YES1: variants seen among roughly 807,000 people sequenced by gnomAD.
The protein encoded by YES1 is tyrosine-protein kinase Yes.
Under a neutral mutation model 70.4 loss-of-function variants are expected in YES1, and 39 were observed. The observed-to-expected ratio is 0.55, with a 90% CI of 0.43 to 0.72. The LOEUF is 0.72. Among genes scored for constraint, YES1 ranks in the 30% least tolerant of loss-of-function variants. YES1 has a pLI of 0.00. For missense variants in YES1, 495 were observed against 644.8 expected, an observed-to-expected ratio of 0.77 and a Z score of 2.52; for synonymous variants, 198 against 218.6, an observed-to-expected ratio of 0.91 and a Z score of 0.83.
intron 2 of YES1, among the ~76,000 whole-genome samples, chr18:755,632 T>C (rs1380262174): frequency 6.6e-6 from 1 of 152,176 alleles, no homozygotes; most frequent in Non-Finnish European, 1.5e-5. Flanking sequence ...GGGATTTATC[T>C]TTTGCACCCA....
chr18:786,018 A>G (rs1032763998), intron 1 of YES1, among the ~76,000 whole-genome samples: 2 of 152,218 alleles, frequency 1.3e-5, no homozygotes, highest in Admixed American at 6.5e-5. Context: ...CAGCAAGAAG[A>G]AGGCCCTTGC....
Position 743,007 on chromosome 18 carries a change from A to C in YES1, c.971T>G (p.Met324Arg). Residue 324 changes from methionine to arginine, a missense_variant, in exon 8 of 12, where the codon ATG becomes AGG. By Grantham distance (91) the Met-to-Arg change is moderately conservative (BLOSUM62 -1). Around this residue, in one of 2 missense-constraint regions of YES1, gnomAD observed 385 missense variants for 540.9 expected, o/e 0.71. Transcript: ENST00000314574. ...AAGTTTATCATGTCTTAATTTTTTC[A>C]TTATCTGAGCTTCTTGAAGGAAAGC... Reference protein sequence around the residue: ...PEAFLQEAQIMKKLRHDKLVP... With the variant: ...PEAFLQEAQIRKKLRHDKLVP... The C allele has an allele frequency of 6.2e-7, 1 of 1,612,036 alleles. No individual in the cohort carries two copies. The highest frequency in any genetic ancestry group is 1.7e-5 in the Admixed American group (1 of 59,442).
chr18:809,158 T>A (rs1000855910), intron 1 of YES1, among the ~76,000 whole-genome samples: 1 of 152,234 alleles, frequency 6.6e-6, no homozygotes, highest in Non-Finnish European at 1.5e-5. Flanking sequence ...ATTTACAACA[T>A]ACAAGCCGAA....
chr18:805,094 A>G (rs539461100), intron 1 of YES1, among the ~76,000 whole-genome samples: 15 of 152,274 alleles, frequency 9.9e-5, no homozygotes, highest in African/African-American at 3.6e-4. Context: ...AAATTTTATC[A>G]ATACGGTCAT....
chr18:801,248 G>A (rs1337050696), intron 1 of YES1, among the ~76,000 whole-genome samples: 6 of 152,136 alleles, frequency 3.9e-5, no homozygotes, highest in African/African-American at 9.7e-5. Context: ...TGACAGGATC[G>A]CTTGAGCCCA....
chr18:724,719 C>T (rs2145654129), intron 11 of YES1, 87 bp from the exon 12 acceptor site: 1 of 1,000,302 alleles, frequency 1.0e-6, no homozygotes, highest in East Asian at 2.4e-5. Context: ...CTAACTCATT[C>T]AAAGTATATT....
chr18:742,381 G>A (rs1332589821), intron 8 of YES1, among the ~76,000 whole-genome samples: 5 of 151,512 alleles, frequency 3.3e-5, no homozygotes, highest in African/African-American at 7.3e-5. Context: ...CACTTTGGGA[G>A]GCCAAAAAGG....
At position 796,181 on chromosome 18, in the gene YES1, G is replaced by T. The variant is rs566523303; in HGVS notation, c.-9+15933C>A. Among the ~76,000 whole-genome samples the T allele has an allele frequency of 5.3e-5, 8 of 152,258 alleles. No individual in the cohort carries two copies. The South Asian group carries it at 6.2e-4, about 12-fold the overall frequency. Reference sequence around the variant, plus strand: ...TTTTGAAAAGGAAAACAGGAAATTTGTCCTTCTAGGAATCACAGCCTCATG... The same window carrying T: ...TTTTGAAAAGGAAAACAGGAAATTTTTCCTTCTAGGAATCACAGCCTCATG... On this transcript the variant is annotated intron_variant, in intron 1 of 11. Transcript: ENST00000314574.
intron 1 of YES1, among the ~76,000 whole-genome samples, chr18:793,064 A>G (rs1906354101): frequency 8.0e-6 from 1 of 124,290 alleles, no homozygotes; most frequent in African/African-American, 2.6e-5. Context: ...TTTTTGAGAC[A>G]GAGTCTCACT....
chr18:742,709 G>A (rs2080229769), intron 8 of YES1, among the ~76,000 whole-genome samples: 1 of 152,014 alleles, frequency 6.6e-6, no homozygotes. Context: ...AATTAATTCA[G>A]CCTGCCTACT....
chr18:787,331 T>G (rs1906013996), intron 1 of YES1, among the ~76,000 whole-genome samples: 1 of 150,994 alleles, frequency 6.6e-6, no homozygotes, highest in Admixed American at 6.6e-5. Flanking sequence ...ACTCCTGACC[T>G]CAGGTGGTCC....
rs535750647 is a variant in YES1, at chr18:811,546, G to T, written c.-9+568C>A. 3.3e-5 allele frequency among the ~76,000 whole-genome samples: 5 copies of T among 152,310 alleles called. No individual in the cohort carries two copies. In the South Asian group the frequency reaches 1.0e-3, roughly 32 times the overall value. ...GTGGCATGATTCCGTAAAAGTGGAC[G>T]CTGAATGGTAAATTTCCCAACCCCC... On this transcript the variant is annotated intron_variant, in intron 1 of 11. Coordinates refer to ENST00000314574, the MANE Select transcript of YES1 (RefSeq NM_005433.4).
chr18:770,239 C>T (rs1233133722), intron 1 of YES1, among the ~76,000 whole-genome samples: 1 of 150,542 alleles, frequency 6.6e-6, no homozygotes, highest in Non-Finnish European at 1.5e-5. Flanking sequence ...ATTACAGGTG[C>T]TGTGAGCCAC....
intron 1 of YES1, among the ~76,000 whole-genome samples, chr18:773,977 G>A (rs1598925604): frequency 2.0e-5 from 3 of 151,918 alleles, no homozygotes; most frequent in Admixed American, 6.6e-5. Context: ...AATTACATGC[G>A]CCCACCATCT....
intron 1 of YES1, among the ~76,000 whole-genome samples, chr18:774,599 G>C (rs550809389): frequency 6.6e-6 from 1 of 151,824 alleles, no homozygotes; most frequent in Non-Finnish European, 1.5e-5. Flanking sequence ...GTAACCCCCC[G>C]GCCCTATTCT....
chr18:776,511 T>G (rs906204199), intron 1 of YES1, among the ~76,000 whole-genome samples: 1 of 152,204 alleles, frequency 6.6e-6, no homozygotes, highest in African/African-American at 2.4e-5. Context: ...ACTTATCCAT[T>G]GTTCTATAGG....
intron 11 of YES1, among the ~76,000 whole-genome samples, chr18:726,120 C>T (rs1342583711): frequency 6.6e-6 from 1 of 152,090 alleles, no homozygotes; most frequent in African/African-American, 2.4e-5. Flanking sequence ...TACCAATAAG[C>T]TTTCATTCAA....
intron 10 of YES1, 74 bp downstream of exon 10, chr18:736,733 GA>G: frequency 6.6e-7 from 1 of 1,522,356 alleles, no homozygotes. Flanking sequence ...TCTTATTCTG[GA>G]AAACCCTGTA....
At chr18:750,032 T>C (rs1325564043) in intron 3 of YES1, among the ~76,000 whole-genome samples, 1 of 152,180 alleles carries the variant, frequency 6.6e-6, no homozygotes, top group African/African-American at 2.4e-5. Context: ...ATATGGGATT[T>C]GTTACTAAAG....
Sources: allele counts gnomAD v4.1 joint callset (sites outside exome capture counted in the v4.1 genomes callset), GRCh38; gene constraint gnomAD v4.1.1; regional missense constraint gnomAD v4.1.1; transcripts MANE v1.5; gene names NCBI Gene and HGNC (gene_info 2026-07-23, HGNC 2026-07-21).